The following CTNNA2 variants were observed in gnomAD, a reference collection of about 807,000 sequenced individuals.
The protein encoded by CTNNA2 is catenin alpha 2.
A neutral mutation model predicts 101.0 loss-of-function variants in CTNNA2; 42 were observed. The observed-to-expected ratio is 0.42, with a 90% CI of 0.32 to 0.54. The LOEUF is 0.54. Ranked by LOEUF, CTNNA2 falls within the 20% of genes least tolerant of loss-of-function variation. CTNNA2 has a pLI of 0.14. For missense variants in CTNNA2, 871 were observed against 1,223.1 expected, an observed-to-expected ratio of 0.71 and a Z score of 4.29; for synonymous variants, 450 against 456.4, an observed-to-expected ratio of 0.99 and a Z score of 0.18.
At chr2:79,286,039 G>A (rs1329626598) in intron 2 of CTNNA2, among the ~76,000 whole-genome samples, 2 of 150,900 alleles carry the variant, frequency 1.3e-5, no homozygotes, top group East Asian at 3.9e-4. Flanking sequence ...GATCTTTGTT[G>A]GTTTAAAGTC....
intron 7 of CTNNA2, chr2:80,328,291 T>G (rs894309661): frequency 2.1e-6 from 1 of 471,176 alleles, no homozygotes; most frequent in Non-Finnish European, 4.4e-6. Flanking sequence ...TTCTTTGCTC[T>G]GTCCTGAATG....
intron 7 of CTNNA2, among the ~76,000 whole-genome samples, chr2:80,275,603 G>C (rs1410496520): frequency 6.6e-6 from 1 of 152,136 alleles, no homozygotes; most frequent in Admixed American, 6.6e-5. Context: ...TAATTAATAA[G>C]TGATGAATTA....
intron 1 of CTNNA2, among the ~76,000 whole-genome samples, chr2:79,635,385 T>C (rs959206889): frequency 2.0e-5 from 3 of 151,552 alleles, no homozygotes; most frequent in South Asian, 4.2e-4. Context: ...TGAGCCGAGA[T>C]CGTGCCACTG....
intron 2 of CTNNA2, among the ~76,000 whole-genome samples, chr2:79,285,844 G>A (rs1675559187): frequency 6.8e-6 from 1 of 147,256 alleles, no homozygotes; most frequent in Admixed American, 6.7e-5. Flanking sequence ...GTCTAATGTT[G>A]ACAGTGGGGT....
At chr2:79,364,143 C>T (rs763235402) in intron 3 of CTNNA2, among the ~76,000 whole-genome samples, 2 of 152,066 alleles carry the variant, frequency 1.3e-5, no homozygotes, top group African/African-American at 2.4e-5. Context: ...TCAGGCTAGG[C>T]AAATGAGCTA....
At chr2:79,868,024 C>G (rs1401295565) in intron 4 of CTNNA2, among the ~76,000 whole-genome samples, 1 of 152,122 alleles carries the variant, frequency 6.6e-6, no homozygotes, top group Non-Finnish European at 1.5e-5. Context: ...TAAACTATAA[C>G]AATGTTTTAA....
intron 4 of CTNNA2, among the ~76,000 whole-genome samples, chr2:79,858,873 T>C (rs546560279): frequency 6.6e-6 from 1 of 152,072 alleles, no homozygotes; most frequent in African/African-American, 2.4e-5. Context: ...AGCCCTGTTC[T>C]CATCACAAAC....
chr2:79,968,604 C>T (rs550295805), intron 7 of CTNNA2, among the ~76,000 whole-genome samples: 17 of 151,870 alleles, frequency 1.1e-4, no homozygotes, highest in African/African-American at 2.9e-4. Context: ...GCCAGGAGTT[C>T]GAGACCAGCC....
At chr2:79,234,382 T>C (rs898142793) in intron 2 of CTNNA2, among the ~76,000 whole-genome samples, 1 of 152,204 alleles carries the variant, frequency 6.6e-6, no homozygotes, top group Admixed American at 6.5e-5. Context: ...CTCTGGCTTG[T>C]AGGGTTTCTG....
rs552028654 is a variant in CTNNA2, at chr2:79,214,849, T to C, written c.-406+16773T>C. The stretch of plus-strand genomic sequence containing the variant: ...AGAGTGCATAAAAGTATTGTCTAAG[T>C]TGGCACCAGAGTTGGGGAGTTTTAA... On this transcript the variant is annotated intron_variant, in intron 2 of 21. Transcript: ENST00000466387. Among the ~76,000 whole-genome samples the C allele has an allele frequency of 2.0e-4, 31 of 152,006 alleles. No homozygotes were observed. The South Asian group carries it at 4.2e-3, about 20-fold the overall frequency.
At position 80,420,038 on chromosome 2, in the gene CTNNA2, A is replaced by G. The variant is rs1470665397; in HGVS notation, c.1290+437A>G. 5.6e-4 allele frequency among the ~76,000 whole-genome samples: 69 copies of G among 123,068 alleles called. 1 individual carries two copies. Among genetic ancestry groups the G allele is most frequent in the African/African-American group, 3.2e-3 (66 of 20,460 alleles). 80.7% of individuals were successfully genotyped at this position (123,068 alleles called of 152,430 possible). On this transcript the variant is annotated intron_variant, in intron 9 of 18. Transcript: ENST00000402739. The stretch of plus-strand genomic sequence containing the variant: ...CTGTCCACACTGGGAACTTGTGAAA[A>G]AAAAAAAAAAAAAAAAAAAAAAAAA...
chr2:79,236,873 C>G (rs989283310), intron 2 of CTNNA2, among the ~76,000 whole-genome samples: 1 of 152,148 alleles, frequency 6.6e-6, no homozygotes, highest in African/African-American at 2.4e-5. Context: ...CTTGCTATTT[C>G]CAGCAAATCT....
chr2:79,338,576 T>TCTC (rs1391174166), intron 3 of CTNNA2, among the ~76,000 whole-genome samples: 3 of 9,508 alleles, frequency 3.2e-4, no homozygotes, highest in African/African-American at 4.4e-4. Flanking sequence ...TTCCTCCTCA[T>TCTC]CATCTTCTTC....
chr2:80,379,492 T>A (rs928431534), intron 7 of CTNNA2, among the ~76,000 whole-genome samples: 2 of 152,178 alleles, frequency 1.3e-5, no homozygotes, highest in African/African-American at 4.8e-5. Flanking sequence ...ATCTCTTGGG[T>A]TTTTTTAGAT....
chr2:80,546,175 C>A, intron 11 of CTNNA2, 112 bp downstream of exon 11: 3 of 1,318,774 alleles, frequency 2.3e-6, no homozygotes, highest in Non-Finnish European at 3.1e-6. Context: ...CTCCTTAGAT[C>A]TTTGAGCTTT....
At chr2:80,463,343 A>T (rs1349414511) in intron 9 of CTNNA2, among the ~76,000 whole-genome samples, 2 of 152,198 alleles carry the variant, frequency 1.3e-5, no homozygotes, top group Non-Finnish European at 2.9e-5. Flanking sequence ...TCCTTTGTTC[A>T]TTAAGGTAGT....
At chr2:79,211,401 T>A (rs1674171197) in intron 2 of CTNNA2, among the ~76,000 whole-genome samples, 1 of 152,128 alleles carries the variant, frequency 6.6e-6, no homozygotes, top group African/African-American at 2.4e-5. Flanking sequence ...GCAGTAAAGC[T>A]GTTTATTTCA....
chr2:80,057,796 T>G (rs1411655061), intron 7 of CTNNA2, among the ~76,000 whole-genome samples: 7 of 152,214 alleles, frequency 4.6e-5, no homozygotes, highest in Non-Finnish European at 5.9e-5. Context: ...ACATTTGGAT[T>G]TCTTTTGTGT....
chr2:80,513,830 A>G (rs969100619), intron 9 of CTNNA2, among the ~76,000 whole-genome samples: 36 of 152,330 alleles, frequency 2.4e-4, no homozygotes, highest in African/African-American at 6.5e-4. Flanking sequence ...TAGTGATACC[A>G]TAGGATAGTA....
Sources: allele counts gnomAD v4.1 joint callset (sites outside exome capture counted in the v4.1 genomes callset), GRCh38; gene constraint gnomAD v4.1.1; transcripts MANE v1.5; gene names NCBI Gene and HGNC (gene_info 2026-07-23, HGNC 2026-07-21).